The following NGF variants were observed in gnomAD, a reference collection of about 807,000 sequenced individuals.
NGF encodes the protein beta-nerve growth factor.
A neutral mutation model predicts 12.8 loss-of-function variants in NGF; 4 were observed. The ratio of observed to expected loss-of-function variants is 0.31; its 90% CI spans 0.15 to 0.72. NGF has a LOEUF of 0.72. NGF is among the 30% of genes least tolerant of loss of function. The pLI, the probability that NGF is intolerant of heterozygous loss-of-function variation, is 0.69. For missense variants in NGF, 283 were observed against 330.8 expected (o/e 0.86, Z 1.12); for synonymous variants, 140 against 130.0 (o/e 1.08, Z -0.52).
At chr1:115,328,464 G>C (rs1654830522) in intron 1 of NGF, among the ~76,000 whole-genome samples, 1 of 152,196 alleles carries the variant, frequency 6.6e-6, no homozygotes, top group South Asian at 2.1e-4. Context: ...GAAGGTGTCA[G>C]CTCCAGCATT....
At chr1:115,337,246 A>C (rs1336653790) in intron 1 of NGF, among the ~76,000 whole-genome samples, 1 of 112,512 alleles carries the variant, frequency 8.9e-6, no homozygotes, top group Non-Finnish European at 1.9e-5. Flanking sequence ...AGAATCTCGA[A>C]ATTTTTTTTG....
At chr1:115,317,455 C>T (rs569004093) in intron 1 of NGF, among the ~76,000 whole-genome samples, 12 of 152,282 alleles carry the variant, frequency 7.9e-5, no homozygotes, top group African/African-American at 2.6e-4. Context: ...AAAAGCCAGG[C>T]TGGTATTGTT....
intron 1 of NGF, among the ~76,000 whole-genome samples, chr1:115,315,818 A>G (rs1654464105): frequency 6.6e-6 from 1 of 151,910 alleles, no homozygotes; most frequent in Non-Finnish European, 1.5e-5. Context: ...TCGACTTCTG[A>G]CTCTCATTGT....
At chr1:115,307,398 A>C (rs749532232) in intron 1 of NGF, among the ~76,000 whole-genome samples, 3 of 152,256 alleles carry the variant, frequency 2.0e-5, no homozygotes, top group South Asian at 2.1e-4. Flanking sequence ...TCAGCAAGAG[A>C]GAGTGAAGCT....
chr1:115,337,974 CAGAACTA>C (rs989943027), intron 1 of NGF, among the ~76,000 whole-genome samples: 1 of 152,208 alleles, frequency 6.6e-6, no homozygotes, highest in Non-Finnish European at 1.5e-5. Flanking sequence ...ACTCCACGAC[CAGAACTA>C]ACGCTGTTCC....
chr1:115,337,267 G>GTTTGTTTGTTTT, intron 1 of NGF, among the ~76,000 whole-genome samples: 6 of 81,030 alleles, frequency 7.4e-5, no homozygotes, highest in African/African-American at 2.1e-4. Flanking sequence ...TTTTGTTTTT[G>GTTTGTTTGTTTT]TTTTTTTTTT....
At chr1:115,321,398 C>CT (rs1325196223) in intron 1 of NGF, among the ~76,000 whole-genome samples, 10 of 152,114 alleles carry the variant, frequency 6.6e-5, no homozygotes, top group Non-Finnish European at 1.0e-4. Flanking sequence ...CATCCACCAG[C>CT]TTTTTGGGTT....
At chr1:115,329,670 AT>A (rs1481412251) in intron 1 of NGF, among the ~76,000 whole-genome samples, 1 of 149,450 alleles carries the variant, frequency 6.7e-6, no homozygotes. Flanking sequence ...ATGCTCTTTC[AT>A]TTTTTTCCCT....
chr1:115,330,168 C>A (rs146566218), intron 1 of NGF, among the ~76,000 whole-genome samples: 38 of 152,242 alleles, frequency 2.5e-4, no homozygotes, highest in African/African-American at 7.9e-4. Context: ...CTGAGGCATG[C>A]AGCTAATTGT....
At chr1:115,313,265 T>C (rs1654381215) in intron 1 of NGF, among the ~76,000 whole-genome samples, 1 of 152,242 alleles carries the variant, frequency 6.6e-6, no homozygotes, top group Non-Finnish European at 1.5e-5. Context: ...GTTTGAGCCT[T>C]GGATGCACAT....
chr1:115,297,433 G>A (rs1653905587), intron 1 of NGF, among the ~76,000 whole-genome samples: 1 of 152,048 alleles, frequency 6.6e-6, no homozygotes, highest in Non-Finnish European at 1.5e-5. Flanking sequence ...ATACTCCTAG[G>A]ACTTATCATC....
At position 115,288,088 on chromosome 1, in the gene NGF, C is replaced by G. The variant is rs114777594; in HGVS notation, c.-12-1281G>C. Reference sequence around the variant, plus strand: ...CCCACTCTTATGGGTCATTCTGCTCCGTTTCCACACAGATACGACCTAGTC... The same window carrying G: ...CCCACTCTTATGGGTCATTCTGCTCGGTTTCCACACAGATACGACCTAGTC... On this transcript the variant is annotated intron_variant, in intron 2 of 2. Transcript: ENST00000369512. 3.0e-3 allele frequency among the ~76,000 whole-genome samples: 453 copies of G among 152,302 alleles called. 1 individual carries two copies. The highest frequency in any genetic ancestry group is 0.01 in the African/African-American group (428 of 41,544).
chr1:115,332,100 A>T (rs1379270213), intron 1 of NGF, among the ~76,000 whole-genome samples: 1 of 152,242 alleles, frequency 6.6e-6, no homozygotes, highest in Non-Finnish European at 1.5e-5. Flanking sequence ...TTCCTAAGAC[A>T]TTTAAAATCC....
intron 1 of NGF, among the ~76,000 whole-genome samples, chr1:115,316,928 T>C (rs1654489211): frequency 6.6e-6 from 1 of 152,216 alleles, no homozygotes; most frequent in South Asian, 2.1e-4. Context: ...TGCTTTTTAA[T>C]TCCAATTCCC....
chr1:115,329,627 C>T (rs963292273), intron 1 of NGF, among the ~76,000 whole-genome samples: 3 of 152,102 alleles, frequency 2.0e-5, no homozygotes, highest in Non-Finnish European at 4.4e-5. Flanking sequence ...CTTGCTATAT[C>T]CAATGCATAT....
At chr1:115,314,081 T>C (rs1654406182) in intron 1 of NGF, among the ~76,000 whole-genome samples, 1 of 152,178 alleles carries the variant, frequency 6.6e-6, no homozygotes, top group African/African-American at 2.4e-5. Flanking sequence ...ATGGACACAA[T>C]TCCAAAGTCA....
chr1:115,315,473 C>T (rs915726071), intron 1 of NGF, among the ~76,000 whole-genome samples: 26 of 151,920 alleles, frequency 1.7e-4, no homozygotes, highest in Admixed American at 7.9e-4. Context: ...ACAGGGGGAT[C>T]GAGGATGACG....
intron 1 of NGF, among the ~76,000 whole-genome samples, chr1:115,309,060 G>A (rs1247945847): frequency 6.6e-6 from 1 of 152,296 alleles, no homozygotes; most frequent in East Asian, 1.9e-4. Context: ...GGCAAGGAGG[G>A]AAGATAGGTG....
intron 1 of NGF, among the ~76,000 whole-genome samples, chr1:115,317,353 G>A (rs980947981): frequency 2.0e-5 from 3 of 152,136 alleles, no homozygotes; most frequent in East Asian, 1.9e-4. Flanking sequence ...AGAAGCCCAC[G>A]GTCTAGCTTG....
Sources: allele counts gnomAD v4.1 joint callset (sites outside exome capture counted in the v4.1 genomes callset), GRCh38; gene constraint gnomAD v4.1.1; transcripts MANE v1.5; gene names NCBI Gene and HGNC (gene_info 2026-07-23, HGNC 2026-07-21).